Variants in LCA5L observed in about 807,000 individuals in gnomAD.
LCA5L encodes the protein lebercilin LCA5 like.
In LCA5L, 35 loss-of-function variants were observed where a neutral mutation model predicts 45.4. That is an observed-to-expected ratio of 0.77 (90% CI 0.59 to 1.02). The LOEUF (loss-of-function observed/expected upper bound fraction) is 1.02. Among genes scored for constraint, LCA5L ranks in the 50% least tolerant of loss-of-function variants. LCA5L has a pLI of 0.00. For missense variants in LCA5L, 668 were observed against 761.6 expected, an observed-to-expected ratio of 0.88 and a Z score of 1.45; for synonymous variants, 233 against 264.7, an observed-to-expected ratio of 0.88 and a Z score of 1.16.
intron 3 of LCA5L, among the ~76,000 whole-genome samples, chr21:39,433,806 C>T (rs1305191826): frequency 1.3e-5 from 2 of 150,506 alleles, no homozygotes; most frequent in Admixed American, 1.3e-4. Flanking sequence ...CTTCTATTGC[C>T]CAGGCTGGAG....
At chr21:39,414,610 AC>A (rs1399898342) in intron 7 of LCA5L, among the ~76,000 whole-genome samples, 1 of 151,968 alleles carries the variant, frequency 6.6e-6, no homozygotes, top group Non-Finnish European at 1.5e-5. Flanking sequence ...CACTGCTTGA[AC>A]TGCCTAGGAC....
At chr21:39,426,467 C>A (rs1206838722) in intron 5 of LCA5L, among the ~76,000 whole-genome samples, 2 of 152,068 alleles carry the variant, frequency 1.3e-5, no homozygotes, top group Non-Finnish European at 2.9e-5. Context: ...TTATTGTAAA[C>A]CCTTGGAACC....
Position 39,423,247 on chromosome 21 carries a change from T to C in LCA5L, c.566A>G (p.Tyr189Cys). 1.9e-6 allele frequency: 3 copies of C among 1,610,240 alleles called. No individual in the cohort carries two copies. Among genetic ancestry groups the C allele is most frequent in the Non-Finnish European group, 2.5e-6 (3 of 1,179,216 alleles). The part of the protein sequence containing the change: ...QLRHLKAIGK[Y>C]ENSQNNLPQI... The stretch of plus-strand genomic sequence containing the variant: ...AGGTAGATTATTTTGTGAATTCTCA[T>C]ATTTTCCTATAGCTTTCAAATGCCT... Residue 189 changes from tyrosine (Y) to cysteine (C), a missense_variant, in exon 6 of 11, where the codon TAT becomes TGT. Coordinates refer to ENST00000288350, the MANE Select transcript of LCA5L (RefSeq NM_152505.4).
intron 6 of LCA5L, among the ~76,000 whole-genome samples, chr21:39,421,101 G>GTTTT (rs200770360): frequency 1.6e-5 from 2 of 125,398 alleles, no homozygotes; most frequent in African/African-American, 2.8e-5. Flanking sequence ...TTAACAATTC[G>GTTTT]TTTTTTTTTT....
chr21:39,419,385 TA>T (rs1001195612), intron 7 of LCA5L, among the ~76,000 whole-genome samples: 2 of 151,696 alleles, frequency 1.3e-5, no homozygotes, highest in African/African-American at 2.4e-5. Context: ...ATTAGCTGGG[TA>T]TGGTGGCATG....
intron 10 of LCA5L, among the ~76,000 whole-genome samples, chr21:39,408,453 A>G (rs1466109251): frequency 6.6e-6 from 1 of 152,216 alleles, no homozygotes; most frequent in Non-Finnish European, 1.5e-5. Flanking sequence ...ATGAAGGGCA[A>G]TCCCAGGATG....
intron 2 of LCA5L, among the ~76,000 whole-genome samples, chr21:39,436,936 C>T (rs2076348158): frequency 6.6e-6 from 1 of 152,176 alleles, no homozygotes; most frequent in African/African-American, 2.4e-5. Context: ...AACCTAACAC[C>T]CATTTTACTT....
chr21:39,437,604 C>A (rs1265422790), intron 2 of LCA5L, among the ~76,000 whole-genome samples: 1 of 152,064 alleles, frequency 6.6e-6, no homozygotes, highest in Non-Finnish European at 1.5e-5. Context: ...GGACTACAGG[C>A]ACGTGCCACC....
chr21:39,445,134 A>C (rs978775111), intron 1 of LCA5L, among the ~76,000 whole-genome samples: 7 of 152,120 alleles, frequency 4.6e-5, no homozygotes, highest in African/African-American at 1.4e-4. Context: ...CCGTTGGCTT[A>C]AGTGTGGCAA....
intron 5 of LCA5L, among the ~76,000 whole-genome samples, chr21:39,424,953 T>C (rs2074397869): frequency 6.6e-6 from 1 of 152,242 alleles, no homozygotes; most frequent in African/African-American, 2.4e-5. Context: ...CCCTTGTCAA[T>C]GAGCACACAG....
At chr21:39,423,614 G>A in intron 5 of LCA5L, 124 bp from the exon 6 acceptor site, 1 of 775,624 alleles carries the variant, frequency 1.3e-6, no homozygotes. Context: ...ACAAGCGTAA[G>A]TGTAACTAGA....
chr21:39,435,606 A>G (rs961608364), intron 2 of LCA5L, 33 bp from the exon 3 acceptor site: 1 of 152,244 alleles, frequency 6.6e-6, no homozygotes, highest in African/African-American at 2.4e-5. Flanking sequence ...AAATGTTACA[A>G]TCTCACAAAG....
chr21:39,413,495 T>C (rs1389636331), intron 7 of LCA5L, among the ~76,000 whole-genome samples: 1 of 152,256 alleles, frequency 6.6e-6, no homozygotes, highest in East Asian at 1.9e-4. Flanking sequence ...TTTTTGTACC[T>C]GAATTGTACA....
At chr21:39,426,176 G>C (rs1341259069) in intron 5 of LCA5L, 1 of 152,106 alleles carries the variant, frequency 6.6e-6, no homozygotes. Flanking sequence ...CTAGTGAGTG[G>C]GTGGGGAGGA....
chr21:39,423,554 T>G (rs2147743783), intron 5 of LCA5L, 64 bp from the exon 6 acceptor site: 1 of 1,390,420 alleles, frequency 7.2e-7, no homozygotes. Flanking sequence ...TATGCACATA[T>G]GCATAATCTC....
intron 7 of LCA5L, chr21:39,414,111 C>T (rs1477818231): frequency 6.6e-6 from 1 of 152,234 alleles, no homozygotes; most frequent in Non-Finnish European, 1.5e-5. Flanking sequence ...AAACAAGAAG[C>T]TAACCCGTGG....
intron 5 of LCA5L, among the ~76,000 whole-genome samples, chr21:39,427,373 C>G (rs1203855314): frequency 3.9e-5 from 6 of 152,132 alleles, no homozygotes; most frequent in Non-Finnish European, 8.8e-5. Context: ...CTTTAAAAAT[C>G]TACAAAGAGC....
rs553874434 is a variant in LCA5L at position 39,430,808 on chromosome 21, A to G, written c.-91-1597T>C. Among the ~76,000 whole-genome samples the G allele has an allele frequency of 3.3e-5, 5 of 152,220 alleles. 1 individual carries two copies. Among genetic ancestry groups the G allele is most frequent in the East Asian group, 1.9e-4 (1 of 5,162 alleles). ...CTCATACCCTGTGGTTCAAACAACA[A>G]TCTAATCGCCAGTCACTGTTATTTC... On this transcript the variant is annotated intron_variant, in intron 3 of 10. Transcript: ENST00000288350.
At chr21:39,410,839 T>G in intron 8 of LCA5L, 1 of 471,172 alleles carries the variant, frequency 2.1e-6, no homozygotes, top group Non-Finnish European at 4.4e-6. Context: ...TCTCTATTAT[T>G]CTAGATTATA....
Sources: allele counts gnomAD v4.1 joint callset (sites outside exome capture counted in the v4.1 genomes callset), GRCh38; gene constraint gnomAD v4.1.1; transcripts MANE v1.5; gene names NCBI Gene and HGNC (gene_info 2026-07-23, HGNC 2026-07-21).